The following CCDC146 variants were observed in gnomAD, a reference collection of about 807,000 sequenced individuals.
CCDC146 encodes the protein coiled-coil domain containing 146.
CCDC146 carries 92 observed loss-of-function variants against 119.3 expected under a neutral mutation model. The observed-to-expected ratio is 0.77, with a 90% CI of 0.65 to 0.92. The LOEUF is 0.92. Ranked by LOEUF, CCDC146 falls within the 40% of genes least tolerant of loss-of-function variation. The probability of loss-of-function intolerance (pLI) is 0.00; values close to 1 mark genes in which losing one functional copy is unlikely to be tolerated. For synonymous variants in CCDC146, 372 were observed against 371.8 expected (o/e 1.00, Z -0.01); for missense variants, 1,000 against 1,103.0 (o/e 0.91, Z 1.32).
intron 2 of CCDC146, among the ~76,000 whole-genome samples, chr7:77,230,158 C>A (rs764869311): frequency 6.6e-6 from 1 of 152,130 alleles, no homozygotes; most frequent in Non-Finnish European, 1.5e-5. Context: ...ATATTCCATC[C>A]TATGGATATA....
At chr7:77,134,075 CTT>C (rs1790826583) in intron 1 of CCDC146, among the ~76,000 whole-genome samples, 1 of 152,100 alleles carries the variant, frequency 6.6e-6, no homozygotes, top group Admixed American at 6.5e-5. Flanking sequence ...AGTTGGCGCT[CTT>C]TACTGGGGGA....
intron 2 of CCDC146, among the ~76,000 whole-genome samples, chr7:77,178,093 G>A (rs1791527771): frequency 6.6e-6 from 1 of 152,190 alleles, no homozygotes; most frequent in African/African-American, 2.4e-5. Context: ...ATTCCACTTT[G>A]CAAAGTAGAT....
chr7:77,248,583 T>G (rs916170405), intron 4 of CCDC146, among the ~76,000 whole-genome samples: 5 of 152,240 alleles, frequency 3.3e-5, no homozygotes, highest in African/African-American at 1.2e-4. Flanking sequence ...CTTTAAAATC[T>G]TTCCATATCG....
rs185446486 is a variant in CCDC146 at position 77,138,655 on chromosome 7, T to A, written c.-12+15923T>A. On this transcript the variant is annotated intron_variant, in intron 1 of 18. Coordinates refer to ENST00000285871, the MANE Select transcript of CCDC146 (RefSeq NM_020879.3). Reference sequence around the variant, plus strand: ...TCGATAAAGGACTATTATCTAAAAATACAAAGAACTCTTAAAATTCAAAAA... The same window carrying A: ...TCGATAAAGGACTATTATCTAAAAAAACAAAGAACTCTTAAAATTCAAAAA... Among the ~76,000 whole-genome samples the A allele has an allele frequency of 3.7e-3, 561 of 152,202 alleles. 3 individuals are homozygous for A. Among genetic ancestry groups the A allele is most frequent in the African/African-American group, 0.013 (551 of 41,530 alleles).
intron 2 of CCDC146, among the ~76,000 whole-genome samples, chr7:77,212,236 A>AT (rs1484391408): frequency 1.3e-5 from 2 of 152,202 alleles, no homozygotes; most frequent in African/African-American, 4.8e-5. Context: ...TTCCTATTTA[A>AT]TAATAAGTTC....
intron 2 of CCDC146, among the ~76,000 whole-genome samples, chr7:77,213,483 A>G (rs1003739303): frequency 3.3e-5 from 5 of 152,066 alleles, no homozygotes; most frequent in Admixed American, 1.3e-4. Flanking sequence ...TTTCTTTTTA[A>G]TTATTATTTT....
chr7:77,162,774 G>A (rs1456592280), intron 1 of CCDC146, among the ~76,000 whole-genome samples: 3 of 151,576 alleles, frequency 2.0e-5, no homozygotes, highest in Non-Finnish European at 4.4e-5. Flanking sequence ...CCATAACATG[G>A]GATACCTTTC....
intron 1 of CCDC146, among the ~76,000 whole-genome samples, chr7:77,130,760 G>A (rs1394875182): frequency 6.0e-5 from 9 of 149,950 alleles, no homozygotes; most frequent in Non-Finnish European, 1.0e-4. Flanking sequence ...CACCATGCCC[G>A]GCTAATTTTT....
At chr7:77,217,878 T>C (rs1029649975) in intron 2 of CCDC146, among the ~76,000 whole-genome samples, 4 of 152,010 alleles carry the variant, frequency 2.6e-5, no homozygotes, top group South Asian at 2.1e-4. Context: ...AAAAATATAA[T>C]AGAAAAGAAA....
chr7:77,190,844 G>C (rs1210420407), intron 2 of CCDC146, among the ~76,000 whole-genome samples: 1 of 152,160 alleles, frequency 6.6e-6, no homozygotes, highest in Non-Finnish European at 1.5e-5. Context: ...ATTTGTGAAG[G>C]AGTCTTTATT....
chr7:77,281,259 T>C (rs1793760398), intron 14 of CCDC146, among the ~76,000 whole-genome samples: 1 of 152,244 alleles, frequency 6.6e-6, no homozygotes, highest in Non-Finnish European at 1.5e-5. Context: ...CATCAGATTC[T>C]TTCAGCATAA....
At position 77,172,133 on chromosome 7, in the gene CCDC146, G is replaced by A. The variant is rs184983034; in HGVS notation, c.156+4309G>A. ...AAACAGTGATAAATTGCAAACTTTC[G>A]GAATATTCAGAATTATTGGATTCAG... On this transcript the variant is annotated intron_variant, in intron 2 of 18. Transcript: ENST00000285871. Among the ~76,000 whole-genome samples the A allele has an allele frequency of 7.9e-5, 12 of 152,116 alleles. 1 individual carries two copies. The highest frequency in any genetic ancestry group is 7.7e-4 in the East Asian group (4 of 5,180).
rs575344909 is a variant in CCDC146, at chr7:77,246,095, T to C, written c.449+4195T>C. Among the ~76,000 whole-genome samples the C allele has an allele frequency of 2.6e-5, 4 of 152,034 alleles. No homozygotes were observed. In the East Asian group the frequency reaches 7.8e-4, roughly 29 times the overall value. ...GCTTATGTGACTCTGACTCACATTA[T>C]AGTTAGAGGACCGTGGGTTCCAAAG... On this transcript the variant is annotated intron_variant, in intron 4 of 18. Coordinates refer to ENST00000285871, the MANE Select transcript of CCDC146 (RefSeq NM_020879.3).
At chr7:77,250,809 A>G (rs957988900) in intron 4 of CCDC146, among the ~76,000 whole-genome samples, 46 of 136,970 alleles carry the variant, frequency 3.4e-4, no homozygotes, top group Admixed American at 3.0e-4. Context: ...GTTCTTGGAT[A>G]TTCTGGTATT....
intron 13 of CCDC146, among the ~76,000 whole-genome samples, chr7:77,279,358 A>G (rs1283722237): frequency 6.6e-6 from 1 of 152,232 alleles, no homozygotes. Context: ...ATCTTGTTTT[A>G]TAGATGATAA....
intron 9 of CCDC146, among the ~76,000 whole-genome samples, chr7:77,264,673 C>T (rs1191245600): frequency 6.6e-6 from 1 of 152,162 alleles, no homozygotes; most frequent in Non-Finnish European, 1.5e-5. Flanking sequence ...TGTATTTAGT[C>T]TAAAAATTAA....
intron 2 of CCDC146, among the ~76,000 whole-genome samples, chr7:77,220,724 C>A (rs1441768841): frequency 6.6e-6 from 1 of 152,138 alleles, no homozygotes; most frequent in Non-Finnish European, 1.5e-5. Flanking sequence ...GTTGAATTTT[C>A]TGCTTTACTC....
chr7:77,122,857 A>G (rs1790642112), intron 1 of CCDC146, 125 bp downstream of exon 1: 1 of 153,084 alleles, frequency 6.5e-6, no homozygotes, highest in Non-Finnish European at 1.5e-5. Context: ...TGCCTTGGTA[A>G]GAGAGTAAAG....
intron 1 of CCDC146, among the ~76,000 whole-genome samples, chr7:77,139,810 A>G (rs1474607967): frequency 6.6e-6 from 1 of 152,016 alleles, no homozygotes; most frequent in Non-Finnish European, 1.5e-5. Flanking sequence ...ACTAAAATGA[A>G]ATTTTACAAA....
Sources: allele counts gnomAD v4.1 joint callset (sites outside exome capture counted in the v4.1 genomes callset), GRCh38; gene constraint gnomAD v4.1.1; transcripts MANE v1.5; gene names NCBI Gene and HGNC (gene_info 2026-07-23, HGNC 2026-07-21).